ITSN1: variants seen among roughly 807,000 people sequenced by gnomAD.
ITSN1 encodes the protein intersectin 1, also known as intersectin-1.
ITSN1 carries 58 observed loss-of-function variants against 239.8 expected under a neutral mutation model. The ratio of observed to expected loss-of-function variants is 0.24; its 90% confidence interval spans 0.20 to 0.30. The LOEUF (loss-of-function observed/expected upper bound fraction) is 0.30, where lower values mean the gene tolerates loss of function less well. Ranked by LOEUF, ITSN1 falls within the 10% of genes least tolerant of loss-of-function variation. The pLI, the probability that ITSN1 is intolerant of heterozygous loss-of-function variation, is 1.00. For missense variants in ITSN1, 1,558 were observed against 2,103.3 expected (o/e 0.74, Z 5.07); for synonymous variants, 780 against 770.8 (o/e 1.01, Z -0.20).
rs577385758 is a variant in ITSN1, at chr21:33,669,622, A to T, written c.-33+26909A>T. 2.2e-4 allele frequency among the ~76,000 whole-genome samples: 34 copies of T among 151,660 alleles called. No homozygotes were observed. The South Asian group carries it at 5.6e-3, about 25-fold the overall frequency. On this transcript the variant is annotated intron_variant, in intron 1 of 39. Coordinates refer to ENST00000381318, the MANE Select transcript of ITSN1 (RefSeq NM_003024.3). ...GCCCAGCTAATTTATTTGTATTTTT[A>T]GTAGACATGGGGGTTTCACTATATT...
At chr21:33,694,638 T>C (rs2091710276) in intron 1 of ITSN1, among the ~76,000 whole-genome samples, 1 of 151,934 alleles carries the variant, frequency 6.6e-6, no homozygotes, top group Non-Finnish European at 1.5e-5. Context: ...CTGGCCAACA[T>C]GGCGAAACCC....
At chr21:33,803,851 G>A (rs1000389181) in intron 20 of ITSN1, among the ~76,000 whole-genome samples, 1 of 152,132 alleles carries the variant, frequency 6.6e-6, no homozygotes, top group African/African-American at 2.4e-5. Context: ...AATGTAGAAT[G>A]TACTACTAGG....
At chr21:33,750,644 C>G (rs1289067212) in intron 6 of ITSN1, among the ~76,000 whole-genome samples, 2 of 152,138 alleles carry the variant, frequency 1.3e-5, no homozygotes, top group Non-Finnish European at 2.9e-5. Context: ...TGAACATTTT[C>G]TATTTTTATG....
Position 33,875,474 on chromosome 21 carries a change from C to T in ITSN1, c.4294C>T (p.Arg1432Trp), listed in dbSNP as rs377669374. The change falls in exon 34 of 40, where the codon CGG becomes TGG. Residue 1432 changes from arginine (R) to tryptophan (W), a missense_variant. By Grantham distance (101) the Arg-to-Trp change is moderately radical (BLOSUM62 -3). This residue lies in a region of ITSN1 where 576 missense variants were observed against 893.3 expected (regional missense o/e 0.64). Coordinates refer to ENST00000381318, the MANE Select transcript of ITSN1 (RefSeq NM_003024.3). The part of the protein sequence containing the change: ...EGVREKENSD[R>W]LEWIQAHVQC... ...GGTGCGGGAGAAGGAGAACTCTGAC[C>T]GGCTGGAGTGGATCCAGGCCCACGT... 47 of 1,613,992 alleles carry T rather than the reference C, an allele frequency of 2.9e-5. No homozygotes were observed. Among genetic ancestry groups the T allele is most frequent in the East Asian group, 4.5e-5 (2 of 44,876 alleles).
intron 34 of ITSN1, among the ~76,000 whole-genome samples, chr21:33,877,745 C>T (rs1222413536): frequency 1.3e-5 from 2 of 152,120 alleles, no homozygotes; most frequent in Non-Finnish European, 2.9e-5. Flanking sequence ...GCTATAGTGG[C>T]ACTGGCTTTC....
rs147117651 is a variant in ITSN1 at position 33,662,446 on chromosome 21, C to A, written c.-33+19733C>A. 6.2e-4 allele frequency among the ~76,000 whole-genome samples: 94 copies of A among 152,232 alleles called. 1 individual carries two copies. The East Asian group carries it at 0.017, about 28-fold the overall frequency. ...ATTTTTCATTTTGAACCTTCTTATACCTAATTAAATGAAACATTTGAGCAA... is the reference window on the plus strand; with the variant it reads ...ATTTTTCATTTTGAACCTTCTTATAACTAATTAAATGAAACATTTGAGCAA... On this transcript the variant is annotated intron_variant, in intron 1 of 39. Coordinates refer to ENST00000381318, the MANE Select transcript of ITSN1 (RefSeq NM_003024.3).
At chr21:33,804,823 TACACTA>T (rs1418607112) in intron 20 of ITSN1, among the ~76,000 whole-genome samples, 1 of 152,130 alleles carries the variant, frequency 6.6e-6, no homozygotes, top group Non-Finnish European at 1.5e-5. Context: ...GCACATAAAA[TACACTA>T]ACACTAATAA....
chr21:33,736,861 T>C (rs1162012472), intron 5 of ITSN1, among the ~76,000 whole-genome samples: 1 of 152,134 alleles, frequency 6.6e-6, no homozygotes, highest in East Asian at 1.9e-4. Context: ...GGTGGGTGCC[T>C]ATAGTCCCAG....
intron 19 of ITSN1, among the ~76,000 whole-genome samples, chr21:33,800,228 A>T (rs1025252672): frequency 1.3e-5 from 2 of 151,992 alleles, no homozygotes; most frequent in African/African-American, 2.4e-5. Flanking sequence ...ATATACTATG[A>T]GTATACATAT....
intron 4 of ITSN1, among the ~76,000 whole-genome samples, chr21:33,729,419 G>A (rs1336806870): frequency 1.3e-5 from 2 of 151,538 alleles, no homozygotes; most frequent in Non-Finnish European, 2.9e-5. Context: ...CTGTACTCCA[G>A]CCTGGGCAAC....
At chr21:33,772,354 T>G (rs1385426674) in intron 12 of ITSN1, 31 bp downstream of exon 12, 1 of 1,548,024 alleles carries the variant, frequency 6.5e-7, no homozygotes. Flanking sequence ...CCACCCGGAG[T>G]TAGTGTGCGA....
chr21:33,726,650 T>C (rs2065852005), intron 4 of ITSN1, among the ~76,000 whole-genome samples: 1 of 151,822 alleles, frequency 6.6e-6, no homozygotes, highest in African/African-American at 2.4e-5. Context: ...GCCTCCTGAG[T>C]AGCTGAGTCT....
At chr21:33,837,011 C>T (rs751290039) in intron 29 of ITSN1, 6 of 1,613,464 alleles carry the variant, frequency 3.7e-6, no homozygotes, top group Admixed American at 1.7e-5. Context: ...CCATCCCCCC[C>T]TCAGGCTTGA....
At chr21:33,679,296 A>G (rs142571689) in intron 1 of ITSN1, among the ~76,000 whole-genome samples, 41 of 152,290 alleles carry the variant, frequency 2.7e-4, no homozygotes, top group Non-Finnish European at 3.8e-4. Flanking sequence ...TAAACGTTCT[A>G]GTTGATGATG....
At chr21:33,686,118 A>G (rs2091222146) in intron 1 of ITSN1, among the ~76,000 whole-genome samples, 1 of 152,206 alleles carries the variant, frequency 6.6e-6, no homozygotes, top group Admixed American at 6.5e-5. Flanking sequence ...CTAGTTCAAG[A>G]ATGTCATTAG....
intron 4 of ITSN1, among the ~76,000 whole-genome samples, chr21:33,728,172 C>A (rs1248176130): frequency 6.6e-6 from 1 of 152,048 alleles, no homozygotes; most frequent in Non-Finnish European, 1.5e-5. Flanking sequence ...ACCATGTCAG[C>A]CAGGCTGGGC....
At chr21:33,722,736 T>TA in intron 4 of ITSN1, 85 bp downstream of exon 4, 1 of 1,303,316 alleles carries the variant, frequency 7.7e-7, no homozygotes, top group East Asian at 2.6e-5. Flanking sequence ...TATGATTTCT[T>TA]ATGTTATAAA....
At chr21:33,659,292 GTGAGTCTCTTCCATTTGGCTGTTCC>G (rs2089354639) in intron 1 of ITSN1, among the ~76,000 whole-genome samples, 1 of 152,238 alleles carries the variant, frequency 6.6e-6, no homozygotes, top group African/African-American at 2.4e-5. Context: ...GCTTTGTGCA[GTGAGTCTCTTCCATTTGGCTGTTCC>G]TGAGTTGCAC....
chr21:33,691,870 C>A (rs566206614), intron 1 of ITSN1, among the ~76,000 whole-genome samples: 1 of 152,182 alleles, frequency 6.6e-6, no homozygotes, highest in East Asian at 1.9e-4. Context: ...CTCCCAAAGG[C>A]TCGCTTTCCA....
Sources: gnomAD v4.1 joint callset for allele counts (sites outside exome capture counted in the v4.1 genomes callset) on GRCh38, gnomAD v4.1.1 for gene constraint, gnomAD v4.1.1 regional missense constraint, MANE v1.5 for transcripts, NCBI Gene and HGNC (gene_info 2026-07-23, HGNC 2026-07-21) for gene names.